The following CDCA7L variants were observed in gnomAD, a reference collection of about 807,000 sequenced individuals.
CDCA7L encodes cell division cycle associated 7 like.
A neutral mutation model predicts 57.4 loss-of-function variants in CDCA7L; 44 were observed. The ratio of observed to expected loss-of-function variants is 0.77; its 90% confidence interval spans 0.60 to 0.98. CDCA7L has a LOEUF of 0.98. CDCA7L is among the 50% of genes least tolerant of loss of function. The probability of loss-of-function intolerance (pLI) is 0.00; values close to 1 mark genes in which losing one functional copy is unlikely to be tolerated. For synonymous variants in CDCA7L, 236 were observed against 202.8 expected, an observed-to-expected ratio of 1.16 and a Z score of -1.39; for missense variants, 644 against 580.6, an observed-to-expected ratio of 1.11 and a Z score of -1.12.
At chr7:21,940,317 T>C (rs1456989449) in intron 1 of CDCA7L, 2 of 984,928 alleles carry the variant, frequency 2.0e-6, no homozygotes, top group Non-Finnish European at 2.4e-6. Context: ...CGAAGTGCTC[T>C]GAAAAGTAGA....
In CDCA7L at chr7:21,945,682, C is replaced by T. The variant is rs951918162; in HGVS notation, c.24+99G>A. The T allele has an allele frequency of 1.9e-5, 28 of 1,484,904 alleles. No homozygotes were observed. The African/African-American group carries it at 3.6e-4, about 19-fold the overall frequency. 92.0% of individuals were successfully genotyped at this position (1,484,904 alleles called of 1,614,324 possible). ...CGCGCCAGATCCCCAGTGCCGCAGCCAAGGGCCACGTTTCCAGCCCAAGGC... is the reference window on the plus strand; with the variant it reads ...CGCGCCAGATCCCCAGTGCCGCAGCTAAGGGCCACGTTTCCAGCCCAAGGC... On this transcript the variant is annotated intron_variant, in intron 1 of 9. Coordinates refer to ENST00000406877, the MANE Select transcript of CDCA7L (RefSeq NM_018719.5).
At chr7:21,930,727 C>T (rs1301161468) in intron 1 of CDCA7L, among the ~76,000 whole-genome samples, 1 of 122,780 alleles carries the variant, frequency 8.1e-6, no homozygotes, top group African/African-American at 3.1e-5. Context: ...AAAAAAAGAA[C>T]TAGAGACGCA....
Position 21,911,767 on chromosome 7 carries a change from C to T in CDCA7L, c.166-13G>A. The T allele has an allele frequency of 6.2e-7, 1 of 1,609,768 alleles. No homozygotes were observed. Reference sequence around the variant, plus strand: ...AGCGCACATCCTGCTAAATTAAAGACACACATACATCAGAGACGGAAAGTA... The same window carrying T: ...AGCGCACATCCTGCTAAATTAAAGATACACATACATCAGAGACGGAAAGTA... On this transcript the variant is annotated splice_polypyrimidine_tract_variant and intron_variant, in intron 2 of 9. Transcript: ENST00000406877.
chr7:21,903,593 C>G (rs540950569), intron 8 of CDCA7L, among the ~76,000 whole-genome samples: 166 of 130,176 alleles, frequency 1.3e-3, no homozygotes, highest in African/African-American at 4.8e-3. Flanking sequence ...GCAGGACTGC[C>G]CCAGGCTCAA....
chr7:21,933,564 A>G (rs1786078680), intron 1 of CDCA7L, among the ~76,000 whole-genome samples: 1 of 152,156 alleles, frequency 6.6e-6, no homozygotes, highest in Non-Finnish European at 1.5e-5. Context: ...CAGAAAACCA[A>G]ACACCACATA....
intron 1 of CDCA7L, among the ~76,000 whole-genome samples, chr7:21,929,104 T>C (rs1355946066): frequency 6.6e-6 from 1 of 152,036 alleles, no homozygotes; most frequent in African/African-American, 2.4e-5. Context: ...TAACAGCGGA[T>C]CTCTAGGCAG....
intron 3 of CDCA7L, among the ~76,000 whole-genome samples, 182 bp downstream of exon 3, chr7:21,911,435 T>C (rs1367542661): frequency 6.6e-6 from 1 of 152,176 alleles, no homozygotes; most frequent in Non-Finnish European, 1.5e-5. Flanking sequence ...AAGAGAATAA[T>C]GGACTGGTGG....
Position 21,902,967 on chromosome 7 carries a change from G to GACTTACTTACCTCTCC in CDCA7L, c.1329_1334+10dup, listed in dbSNP as rs1784983940. ...TCAAGCTGTTTTGTAAGCTGCTAGA[G>GACTTACTTACCTCTCC]ACTTACTTACCTCTCCAGATATTCC... On this transcript the variant is annotated intron_variant, in intron 9 of 9. Coordinates refer to ENST00000406877, the MANE Select transcript of CDCA7L (RefSeq NM_018719.5). 6 of 1,612,222 alleles carry GACTTACTTACCTCTCC rather than the reference G, an allele frequency of 3.7e-6. No homozygotes were observed. Among genetic ancestry groups the GACTTACTTACCTCTCC allele is most frequent in the Non-Finnish European group, 5.1e-6 (6 of 1,178,756 alleles).
At chr7:21,916,138 G>T (rs111525148) in intron 2 of CDCA7L, among the ~76,000 whole-genome samples, 27 of 152,228 alleles carry the variant, frequency 1.8e-4, no homozygotes, top group African/African-American at 5.5e-4. Flanking sequence ...CATGGTCAAG[G>T]CAGAATGAGG....
chr7:21,911,360 G>C (rs1020463365), intron 3 of CDCA7L, among the ~76,000 whole-genome samples: 1 of 151,986 alleles, frequency 6.6e-6, no homozygotes, highest in Non-Finnish European at 1.5e-5. Context: ...GGACAATAAA[G>C]GACGCCTGGG....
At chr7:21,934,298 A>G (rs536627120) in intron 1 of CDCA7L, among the ~76,000 whole-genome samples, 1 of 152,360 alleles carries the variant, frequency 6.6e-6, no homozygotes, top group South Asian at 2.1e-4. Flanking sequence ...AAAAAGAGCT[A>G]TATAGGAGTA....
intron 6 of CDCA7L, 39 bp from the exon 7 acceptor site, chr7:21,905,670 A>G: frequency 1.3e-6 from 2 of 1,587,108 alleles, no homozygotes; most frequent in Non-Finnish European, 1.7e-6. Flanking sequence ...AGATGTGTTG[A>G]GCAGTTATAA....
intron 8 of CDCA7L, 131 bp downstream of exon 8, chr7:21,903,979 A>AAGAT (rs773906811): frequency 4.7e-4 from 379 of 801,776 alleles, no homozygotes; most frequent in Non-Finnish European, 6.3e-4. Context: ...CTGGAGCCTT[A>AAGAT]AGATACAAAT....
intron 7 of CDCA7L, 109 bp from the exon 8 acceptor site, chr7:21,904,368 C>T: frequency 9.0e-7 from 1 of 1,116,908 alleles, no homozygotes; most frequent in South Asian, 1.8e-5. Context: ...CCCCCGTCTC[C>T]TCGAATCAAG....
intron 2 of CDCA7L, among the ~76,000 whole-genome samples, chr7:21,915,137 G>A (rs1182435761): frequency 1.3e-5 from 2 of 152,122 alleles, no homozygotes; most frequent in Admixed American, 6.5e-5. Flanking sequence ...CAGCTGCAGA[G>A]GGAAGGGAAG....
intron 1 of CDCA7L, among the ~76,000 whole-genome samples, chr7:21,923,237 C>CCAGCA (rs1173450719): frequency 6.6e-6 from 1 of 152,050 alleles, no homozygotes; most frequent in African/African-American, 2.4e-5. Flanking sequence ...ACCTGTAATC[C>CCAGCA]CAGCACTCTG....
rs1216008190 is a variant in CDCA7L at position 21,901,975 on chromosome 7, T to TCAAGTGCAGGAGCTGATCATACAATG, written c.*346_*347insCATTGTATGATCAGCTCCTGCACTTG. 1 of 289,080 alleles carries TCAAGTGCAGGAGCTGATCATACAATG rather than the reference T, an allele frequency of 3.5e-6. No individual in the cohort carries two copies. Among genetic ancestry groups the TCAAGTGCAGGAGCTGATCATACAATG allele is most frequent in the Non-Finnish European group, 6.6e-6 (1 of 150,878 alleles). The allele number at this position is 289,080 out of a possible 1,614,324, so 17.9% of individuals were successfully genotyped here. A position where few individuals can be genotyped will look rare whatever the true frequency, so the allele number is the denominator to read the frequency against. ...TACTGTTTGGGAAGCCAAAGATAGA[T>TCAAGTGCAGGAGCTGATCATACAATG]AGATCAAGTGCAGGAGCTGATCATA... On this transcript the variant is annotated 3_prime_UTR_variant, in exon 10 of 10. Coordinates refer to ENST00000406877, the MANE Select transcript of CDCA7L (RefSeq NM_018719.5).
intron 2 of CDCA7L, among the ~76,000 whole-genome samples, chr7:21,913,485 G>C (rs1458954973): frequency 6.6e-6 from 1 of 152,208 alleles, no homozygotes. Flanking sequence ...CTGTGGGGTC[G>C]GGGTAGAGAA....
In CDCA7L at chr7:21,901,436, G is replaced by A. The variant is rs184252510; in HGVS notation, c.*886C>T. 1.4e-4 allele frequency: 117 copies of A among 813,318 alleles called. No individual in the cohort carries two copies. Among genetic ancestry groups the A allele is most frequent in the South Asian group, 2.5e-4 (7 of 28,512 alleles). The allele number at this position is 813,318 out of a possible 1,614,324, so 50.4% of individuals were successfully genotyped here. A position where few individuals can be genotyped will look rare whatever the true frequency, so the allele number is the denominator to read the frequency against. ...ACTAGAAACTAACTCAGGGCTGAGC[G>A]TGGTGGCACACGACTGTAATCCCAG... On this transcript the variant is annotated 3_prime_UTR_variant, in exon 10 of 10. Transcript: ENST00000406877.
Sources: gnomAD v4.1 joint callset for allele counts (sites outside exome capture counted in the v4.1 genomes callset) on GRCh38, gnomAD v4.1.1 for gene constraint, MANE v1.5 for transcripts, NCBI Gene and HGNC (gene_info 2026-07-23, HGNC 2026-07-21) for gene names.